Variants in JARID2 observed in about 807,000 individuals in gnomAD.
JARID2 encodes jumonji and AT-rich interaction domain containing 2.
In JARID2, 21 loss-of-function variants were observed where a neutral mutation model predicts 125.6. The ratio of observed to expected loss-of-function variants is 0.17; its 90% confidence interval spans 0.12 to 0.24. JARID2 has a LOEUF of 0.24. Ranked by LOEUF, JARID2 falls within the 10% of genes least tolerant of loss-of-function variation. The pLI is 1.00. For missense variants in JARID2, 1,303 were observed against 1,639.6 expected (o/e 0.79, Z 3.55); for synonymous variants, 736 against 661.6 (o/e 1.11, Z -1.73).
intron 2 of JARID2, among the ~76,000 whole-genome samples, chr6:15,409,877 C>T (rs10484354): frequency 0.031 from 4,690 of 152,236 alleles, 238 homozygotes; most frequent in African/African-American, 0.11. Context: ...TCAAGAGTGA[C>T]TAGTTTGATA....
rs1491340851 is a variant in JARID2, at chr6:15,521,902, T to TATTA, written c.*1652_*1655dup. On this transcript the variant is annotated 3_prime_UTR_variant, in exon 18 of 18. Transcript: ENST00000341776. Reference sequence around the variant, plus strand: ...ATGGCTTACAGTTTGACATTTAATTTATTAGCGCTGCTCTGCACCCCTCCC... The same window carrying TATTA: ...ATGGCTTACAGTTTGACATTTAATTTATTAATTAGCGCTGCTCTGCACCCCTCCC... 1 of 152,248 alleles carries TATTA rather than the reference T, an allele frequency of 6.6e-6. No homozygotes were observed. Among genetic ancestry groups the TATTA allele is most frequent in the African/African-American group, 2.4e-5 (1 of 41,464 alleles). The allele number at this position is 152,248 out of a possible 1,614,324, so 9.4% of individuals were successfully genotyped here. A position where few individuals can be genotyped will look rare whatever the true frequency, so the allele number is the denominator to read the frequency against.
intron 1 of JARID2, among the ~76,000 whole-genome samples, chr6:15,370,498 C>T (rs375100496): frequency 3.9e-5 from 6 of 151,982 alleles, no homozygotes; most frequent in South Asian, 2.1e-4. Context: ...CCACCACGCC[C>T]GGCTAATATT....
intron 1 of JARID2, among the ~76,000 whole-genome samples, chr6:15,344,104 A>ATTTTTTTTTTT: frequency 1.1e-5 from 1 of 89,166 alleles, no homozygotes; most frequent in Non-Finnish European, 2.1e-5. Flanking sequence ...GTATGTAGTG[A>ATTTTTTTTTTT]TTTTTTTTTT....
intron 1 of JARID2, among the ~76,000 whole-genome samples, chr6:15,298,386 A>G (rs896865445): frequency 2.0e-5 from 3 of 152,152 alleles, no homozygotes; most frequent in African/African-American, 7.2e-5. Flanking sequence ...GTGAGAACTC[A>G]GAATTCCATG....
At chr6:15,406,973 C>G (rs1016578544) in intron 2 of JARID2, among the ~76,000 whole-genome samples, 2 of 151,862 alleles carry the variant, frequency 1.3e-5, no homozygotes, top group African/African-American at 2.4e-5. Context: ...ATAAAAGGTA[C>G]ATGAGGCCAT....
chr6:15,351,730 T>C (rs1012192325), intron 1 of JARID2, among the ~76,000 whole-genome samples: 1 of 152,134 alleles, frequency 6.6e-6, no homozygotes, highest in African/African-American at 2.4e-5. Flanking sequence ...TTCTGATGAG[T>C]TGCTGTGTGG....
At chr6:15,395,255 C>G (rs535636272) in intron 2 of JARID2, among the ~76,000 whole-genome samples, 1 of 152,056 alleles carries the variant, frequency 6.6e-6, no homozygotes, top group African/African-American at 2.4e-5. Context: ...TGATTACTCA[C>G]TCTTCAGTTT....
intron 1 of JARID2, among the ~76,000 whole-genome samples, chr6:15,318,839 C>T (rs993062125): frequency 1.3e-5 from 2 of 151,934 alleles, no homozygotes; most frequent in South Asian, 2.1e-4. Context: ...GTGGGGTAGG[C>T]GAGAAAGGGG....
chr6:15,494,781 C>T (rs764127419), intron 6 of JARID2, among the ~76,000 whole-genome samples: 1 of 152,170 alleles, frequency 6.6e-6, no homozygotes, highest in Non-Finnish European at 1.5e-5. Context: ...AGACTCATTA[C>T]CCGCCATCTG....
intron 3 of JARID2, among the ~76,000 whole-genome samples, chr6:15,415,493 G>GC (rs1275932196): frequency 1.4e-5 from 2 of 145,108 alleles, no homozygotes; most frequent in Non-Finnish European, 3.1e-5. Context: ...GGGCAGAGGG[G>GC]CTCCTCACTT....
chr6:15,249,369 C>T (rs537260082), intron 1 of JARID2, among the ~76,000 whole-genome samples: 2 of 152,206 alleles, frequency 1.3e-5, no homozygotes, highest in South Asian at 4.1e-4. Context: ...GGCTCTGTAC[C>T]TACTGACTGT....
intron 1 of JARID2, among the ~76,000 whole-genome samples, chr6:15,325,042 T>G (rs1163693825): frequency 4.6e-5 from 7 of 151,910 alleles, no homozygotes; most frequent in Non-Finnish European, 8.8e-5. Flanking sequence ...TGTTTATAAT[T>G]TCTTTTTTTT....
chr6:15,309,866 TG>T (rs1036891803), intron 1 of JARID2, among the ~76,000 whole-genome samples: 1 of 152,000 alleles, frequency 6.6e-6, no homozygotes, highest in Non-Finnish European at 1.5e-5. Context: ...AGAAGTGGCT[TG>T]GAAGAGTTTA....
At chr6:15,401,170 A>G (rs551566235) in intron 2 of JARID2, among the ~76,000 whole-genome samples, 1 of 152,190 alleles carries the variant, frequency 6.6e-6, no homozygotes, top group Non-Finnish European at 1.5e-5. Context: ...ATATATATAT[A>G]TATGAGAGAC....
chr6:15,302,410 G>A (rs559759483), intron 1 of JARID2, among the ~76,000 whole-genome samples: 2 of 150,050 alleles, frequency 1.3e-5, no homozygotes, highest in East Asian at 2.0e-4. Flanking sequence ...GCGAGACTCT[G>A]TCTTGGGAAA....
chr6:15,516,019 A>G (rs933543299), intron 16 of JARID2, among the ~76,000 whole-genome samples: 2 of 150,546 alleles, frequency 1.3e-5, no homozygotes, highest in African/African-American at 2.4e-5. Context: ...AACCCGTTAT[A>G]AATCCATAGG....
At chr6:15,261,888 A>G (rs1027164952) in intron 1 of JARID2, among the ~76,000 whole-genome samples, 2 of 146,794 alleles carry the variant, frequency 1.4e-5, no homozygotes, top group East Asian at 2.1e-4. Context: ...GGTTCAAGCA[A>G]TTCTGCCTCA....
chr6:15,496,280 C>T lies in JARID2; in HGVS notation c.1055C>T (p.Ala352Val). ...VTKGAVTYTK[A>V]KRELVKDTKP... ...AAGGGGGCTGTCACATACACCAAAGCCAAGAGAGAACTGGTCAAGGACACC... is the reference window on the plus strand; with the variant it reads ...AAGGGGGCTGTCACATACACCAAAGTCAAGAGAGAACTGGTCAAGGACACC... The change falls in exon 7 of 18, where the codon GCC (alanine) becomes GTC (valine). Residue 352 changes from alanine (A) to valine (V), a missense_variant. Ala to Val is a moderately conservative substitution (Grantham distance 64). Coordinates refer to ENST00000341776, the MANE Select transcript of JARID2 (RefSeq NM_004973.4). 6.2e-7 allele frequency: 1 copy of T among 1,614,168 alleles called. No individual in the cohort carries two copies. Among genetic ancestry groups the T allele is most frequent in the Non-Finnish European group, 8.5e-7 (1 of 1,180,034 alleles).
chr6:15,443,469 A>C (rs1210523629), intron 3 of JARID2, among the ~76,000 whole-genome samples: 1 of 152,090 alleles, frequency 6.6e-6, no homozygotes, highest in Non-Finnish European at 1.5e-5. Context: ...TATATGAATG[A>C]ATTTTTCACC....
Sources: gnomAD v4.1 joint callset for allele counts (sites outside exome capture counted in the v4.1 genomes callset) on GRCh38, gnomAD v4.1.1 for gene constraint, MANE v1.5 for transcripts, NCBI Gene and HGNC (gene_info 2026-07-23, HGNC 2026-07-21) for gene names.